Variants in NRG1 observed in about 807,000 individuals in gnomAD.
NRG1 encodes neuregulin 1.
A neutral mutation model predicts 63.8 loss-of-function variants in NRG1; 18 were observed. That is an observed-to-expected ratio of 0.28 (90% confidence interval 0.19 to 0.42). The LOEUF is 0.42. Among genes scored for constraint, NRG1 ranks in the 10% least tolerant of loss-of-function variants. NRG1 has a pLI of 1.00. For missense variants in NRG1, 762 were observed against 814.7 expected (o/e 0.94, Z 0.79); for synonymous variants, 302 against 301.3 (o/e 1.00, Z -0.02).
At chr8:32,044,738 A>T (rs1191751117) in intron 1 of NRG1, among the ~76,000 whole-genome samples, 1 of 151,450 alleles carries the variant, frequency 6.6e-6, no homozygotes, top group Admixed American at 6.6e-5. Context: ...GTGTCAAAAA[A>T]AAATAAATTA....
rs191770225 is a variant in NRG1 at position 32,516,215 on chromosome 8, T to C, written c.38-79613T>C. Reference sequence around the variant, plus strand: ...GACTTTGTCAAAGATCCGATGGCTGTAGGTGTGCAGCTTTATTTCTGGGTT... The same window carrying C: ...GACTTTGTCAAAGATCCGATGGCTGCAGGTGTGCAGCTTTATTTCTGGGTT... On this transcript the variant is annotated intron_variant, in intron 1 of 10. Transcript: ENST00000519301. 6.9e-3 allele frequency among the ~76,000 whole-genome samples: 1,057 copies of C among 152,316 alleles called. 3 individuals are homozygous for C. The highest frequency in any genetic ancestry group is 0.011 in the Non-Finnish European group (769 of 68,030).
intron 1 of NRG1, among the ~76,000 whole-genome samples, chr8:32,445,708 T>C (rs1021884295): frequency 3.9e-5 from 6 of 152,244 alleles, no homozygotes; most frequent in Non-Finnish European, 7.3e-5. Context: ...TATCTTCTTA[T>C]GACAGCCAGA....
At chr8:31,831,994 C>T (rs1825207315) in intron 1 of NRG1, among the ~76,000 whole-genome samples, 1 of 152,256 alleles carries the variant, frequency 6.6e-6, no homozygotes, top group Non-Finnish European at 1.5e-5. Context: ...CTCTTGCTTG[C>T]TCTTCACCTT....
At chr8:32,351,253 C>T (rs115158790) in intron 1 of NRG1, among the ~76,000 whole-genome samples, 3,196 of 152,250 alleles carry the variant, frequency 0.021, 104 homozygotes, top group African/African-American at 0.073. Flanking sequence ...TGACAGAATA[C>T]TTGCTGCTTC....
At position 32,638,231 on chromosome 8, in the gene NRG1, G is replaced by A. The variant is rs1449976544; in HGVS notation, c.502+21346G>A. On this transcript the variant is annotated intron_variant, in intron 5 of 11. Coordinates refer to ENST00000356819, the Ensembl canonical transcript of NRG1. Reference sequence around the variant, plus strand: ...GTATAAAATAAAATTCATGTAATGGGTGCAGCAAACTAACATGGCACATGT... The same window carrying A: ...GTATAAAATAAAATTCATGTAATGGATGCAGCAAACTAACATGGCACATGT... Among the ~76,000 whole-genome samples the A allele has an allele frequency of 1.2e-3, 176 of 152,110 alleles. 3 individuals are homozygous for A. Among genetic ancestry groups the A allele is most frequent in the Non-Finnish European group, 5.1e-4 (35 of 68,008 alleles).
intron 1 of NRG1, among the ~76,000 whole-genome samples, chr8:31,744,633 T>G (rs1184761812): frequency 1.3e-5 from 2 of 151,952 alleles, no homozygotes; most frequent in South Asian, 2.1e-4. Context: ...GCTTTTCACT[T>G]ACATAGAACC....
At chr8:32,546,342 A>G (rs1282745652), upstream of NRG1, among the ~76,000 whole-genome samples, 3 of 152,164 alleles carry the variant, frequency 2.0e-5, no homozygotes, top group Non-Finnish European at 4.4e-5. Context: ...TATTTTTTAA[A>G]AAAGAATCCC....
At chr8:32,079,613 C>T (rs1827140128) in intron 1 of NRG1, among the ~76,000 whole-genome samples, 1 of 152,056 alleles carries the variant, frequency 6.6e-6, no homozygotes, top group East Asian at 1.9e-4. Flanking sequence ...CAATTTTCTG[C>T]CAGAATTACC....
intron 1 of NRG1, among the ~76,000 whole-genome samples, chr8:32,422,962 C>A (rs939079758): frequency 6.6e-6 from 1 of 152,360 alleles, no homozygotes; most frequent in Non-Finnish European, 1.5e-5. Context: ...CTCTCATTTA[C>A]ACTCTCCATG....
At chr8:31,793,575 C>G (rs539279232) in intron 1 of NRG1, among the ~76,000 whole-genome samples, 1 of 152,240 alleles carries the variant, frequency 6.6e-6, no homozygotes, top group African/African-American at 2.4e-5. Flanking sequence ...TCTTGGAAAA[C>G]CTTAGTAGTT....
chr8:31,817,651 G>T (rs1437310746), intron 1 of NRG1, among the ~76,000 whole-genome samples: 1 of 152,156 alleles, frequency 6.6e-6, no homozygotes, highest in Non-Finnish European at 1.5e-5. Context: ...TCTTCACTCT[G>T]TGTTTAAACT....
chr8:31,853,075 G>C (rs1267068487), intron 1 of NRG1, among the ~76,000 whole-genome samples: 1 of 151,994 alleles, frequency 6.6e-6, no homozygotes, highest in Non-Finnish European at 1.5e-5. Flanking sequence ...TTTGGCTCAG[G>C]ATTGACTTGG....
At chr8:32,352,983 GAGAGT>G (rs1176212294) in intron 1 of NRG1, among the ~76,000 whole-genome samples, 2 of 149,816 alleles carry the variant, frequency 1.3e-5, no homozygotes, top group African/African-American at 4.9e-5. Flanking sequence ...GAGACAGAGA[GAGAGT>G]AAAGATCTCA....
At chr8:31,800,903 C>G (rs1433953743) in intron 1 of NRG1, among the ~76,000 whole-genome samples, 1 of 130,526 alleles carries the variant, frequency 7.7e-6, no homozygotes, top group African/African-American at 2.9e-5. Flanking sequence ...TGCAGTGGTG[C>G]GATCTCGGTT....
At chr8:32,047,453 G>A (rs1273495635) in intron 1 of NRG1, among the ~76,000 whole-genome samples, 1 of 151,920 alleles carries the variant, frequency 6.6e-6, no homozygotes, top group Non-Finnish European at 1.5e-5. Context: ...TGGTAAATAA[G>A]TATTTGTCAT....
At chr8:32,287,864 T>A (rs1853722981) in intron 1 of NRG1, among the ~76,000 whole-genome samples, 1 of 152,194 alleles carries the variant, frequency 6.6e-6, no homozygotes, top group Non-Finnish European at 1.5e-5. Flanking sequence ...TCTTTTTTGA[T>A]AACATTGAGA....
chr8:31,672,847 A>G (rs1807294685), intron 1 of NRG1, among the ~76,000 whole-genome samples: 1 of 152,134 alleles, frequency 6.6e-6, no homozygotes, highest in South Asian at 2.1e-4. Flanking sequence ...TTAAATGATT[A>G]AGCATTTTAT....
intron 1 of NRG1, among the ~76,000 whole-genome samples, chr8:32,029,005 T>A (rs556908424): frequency 2.0e-5 from 3 of 152,206 alleles, no homozygotes; most frequent in Admixed American, 2.0e-4. Flanking sequence ...GAAAGTGGCA[T>A]TCATCTCTAT....
chr8:32,277,841 CA>C (rs1852272297), intron 1 of NRG1, among the ~76,000 whole-genome samples: 1 of 152,070 alleles, frequency 6.6e-6, no homozygotes, highest in Middle Eastern at 3.2e-3. Flanking sequence ...TTCTGGTGAC[CA>C]CAAGGCCTTC....
Sources: allele counts gnomAD v4.1 joint callset (sites outside exome capture counted in the v4.1 genomes callset), GRCh38; gene constraint gnomAD v4.1.1; transcripts MANE v1.5; gene names NCBI Gene and HGNC (gene_info 2026-07-23, HGNC 2026-07-21).